Variants in ASF1B observed in about 807,000 individuals in gnomAD.
ASF1B encodes the protein anti-silencing function 1B histone chaperone.
In ASF1B, 10 loss-of-function variants were observed where a neutral mutation model predicts 16.6. The ratio of observed to expected loss-of-function variants is 0.60; its 90% CI spans 0.37 to 1.02. The LOEUF is 1.02. ASF1B is among the 50% of genes least tolerant of loss of function. The pLI is 0.01. For synonymous variants in ASF1B, 101 were observed against 106.2 expected, an observed-to-expected ratio of 0.95 and a Z score of 0.30; for missense variants, 240 against 266.0, an observed-to-expected ratio of 0.90 and a Z score of 0.68.
chr19:14,125,204 C>T (rs1203376626), intron 2 of ASF1B, among the ~76,000 whole-genome samples: 1 of 152,104 alleles, frequency 6.6e-6, no homozygotes, highest in African/African-American at 2.4e-5. Flanking sequence ...TGACCTCAGG[C>T]GATCCACCCA....
intron 2 of ASF1B, among the ~76,000 whole-genome samples, chr19:14,122,905 C>G (rs1967261821): frequency 6.6e-6 from 1 of 152,140 alleles, no homozygotes; most frequent in Non-Finnish European, 1.5e-5. Context: ...AAAGAAGCCT[C>G]TGGCAAAGTG....
intron 1 of ASF1B, among the ~76,000 whole-genome samples, chr19:14,126,583 TGTCTCA>T (rs1306716441): frequency 1.3e-5 from 2 of 152,216 alleles, no homozygotes; most frequent in African/African-American, 4.8e-5. Flanking sequence ...GCGATTCTCC[TGTCTCA>T]GCCTACTGAG....
Position 14,134,933 on chromosome 19 carries a change from A to G in ASF1B, c.109+1415T>C, listed in dbSNP as rs138149739. ...ATTATCCAGCTATATTAAAAAAAAAAAAGAAGAAGACGGGGCACGGTGGCT... is the reference window on the plus strand; with the variant it reads ...ATTATCCAGCTATATTAAAAAAAAAGAAGAAGAAGACGGGGCACGGTGGCT... On this transcript the variant is annotated intron_variant, in intron 1 of 3. Coordinates refer to ENST00000263382, the MANE Select transcript of ASF1B (RefSeq NM_018154.3). Among the ~76,000 whole-genome samples, 620 of 152,126 alleles carry G rather than the reference A, an allele frequency of 4.1e-3. 4 individuals carry two copies. Among genetic ancestry groups the G allele is most frequent in the African/African-American group, 0.014 (583 of 41,516 alleles).
At chr19:14,135,967 AG>A in intron 1 of ASF1B, among the ~76,000 whole-genome samples, 1 of 151,634 alleles carries the variant, frequency 6.6e-6, no homozygotes, top group African/African-American at 2.4e-5. Context: ...ACGGGTACCT[AG>A]GAAGAGCTCC....
intron 2 of ASF1B, among the ~76,000 whole-genome samples, chr19:14,122,306 A>T (rs1181431281): frequency 6.6e-6 from 1 of 151,486 alleles, no homozygotes; most frequent in Non-Finnish European, 1.5e-5. Flanking sequence ...ACTTCAGGTG[A>T]TCTGCCCACC....
chr19:14,125,533 A>AT (rs1398072375), intron 2 of ASF1B, among the ~76,000 whole-genome samples: 2 of 152,178 alleles, frequency 1.3e-5, no homozygotes, highest in Non-Finnish European at 2.9e-5. Flanking sequence ...TAGAACTAGG[A>AT]TTTGAACCTG....
chr19:14,128,406 T>C (rs941427942), intron 1 of ASF1B, among the ~76,000 whole-genome samples: 4 of 152,270 alleles, frequency 2.6e-5, no homozygotes, highest in African/African-American at 9.6e-5. Context: ...AGCAGGTCTG[T>C]AGGATACGGG....
In ASF1B at chr19:14,131,805, G is replaced by C. The variant is rs188735453; in HGVS notation, c.109+4543C>G. ...GGCCTCCTTTGTTTGTTTGCTTTTT[G>C]CCTTTGTTCATAATCAAAGATGAGC... On this transcript the variant is annotated intron_variant, in intron 1 of 3. Transcript: ENST00000263382. Among the ~76,000 whole-genome samples the C allele has an allele frequency of 5.3e-5, 8 of 152,042 alleles. No homozygotes were observed. The East Asian group carries it at 1.6e-3, about 29-fold the overall frequency.
At chr19:14,125,396 C>T (rs912465597) in intron 2 of ASF1B, among the ~76,000 whole-genome samples, 3 of 152,186 alleles carry the variant, frequency 2.0e-5, no homozygotes, top group Admixed American at 1.3e-4. Flanking sequence ...TCAGTGTTCG[C>T]GGCAACTTTA....
chr19:14,121,594 T>A lies in ASF1B; in HGVS notation c.340A>T (p.Asn114Tyr). 1.9e-6 allele frequency: 3 copies of A among 1,614,062 alleles called. No homozygotes were observed. The highest frequency in any genetic ancestry group is 2.5e-6 in the Non-Finnish European group (3 of 1,180,020). The change falls in exon 3 of 4, where the codon AAC (asparagine) becomes TAC (tyrosine). Residue 114 changes from asparagine (N) to tyrosine (Y), a missense_variant. Transcript: ENST00000263382. The stretch of plus-strand genomic sequence containing the variant: ...AGCTCAGGGTTGAGGTACTCGTTGT[T>A]GACGTAGTAGCCCACTCGGATGAAC... ...QEFIRVGYYVNNEYLNPELRE... is the reference protein window; with the variant it reads ...QEFIRVGYYVYNEYLNPELRE...
intron 1 of ASF1B, among the ~76,000 whole-genome samples, chr19:14,129,468 C>T (rs1599359041): frequency 1.3e-5 from 2 of 150,636 alleles, no homozygotes; most frequent in South Asian, 2.1e-4. Context: ...CCTGAGCTCA[C>T]GAGTTCGAGA....
At chr19:14,120,808 C>G in intron 3 of ASF1B, 143 bp from the exon 4 acceptor site, 1 of 653,150 alleles carries the variant, frequency 1.5e-6, no homozygotes, top group Non-Finnish European at 2.6e-6. Context: ...TGGCCAGGAC[C>G]TTATTTATTT....
intron 1 of ASF1B, among the ~76,000 whole-genome samples, chr19:14,132,524 C>T (rs1378442103): frequency 2.6e-5 from 4 of 152,146 alleles, no homozygotes; most frequent in Non-Finnish European, 5.9e-5. Flanking sequence ...GTACAATTAA[C>T]AATAGCATTC....
intron 1 of ASF1B, among the ~76,000 whole-genome samples, chr19:14,131,145 TG>T (rs1314738359): frequency 6.6e-6 from 1 of 151,734 alleles, no homozygotes; most frequent in Non-Finnish European, 1.5e-5. Context: ...CCCAAAATGC[TG>T]GGATTACAGG....
chr19:14,123,440 CG>C (rs1967271210), intron 2 of ASF1B, among the ~76,000 whole-genome samples: 1 of 134,744 alleles, frequency 7.4e-6, no homozygotes, highest in African/African-American at 2.9e-5. Context: ...AGTGCAGTGG[CG>C]TGATCTCGGC....
At chr19:14,135,817 G>C (rs957150292) in intron 1 of ASF1B, among the ~76,000 whole-genome samples, 4 of 149,096 alleles carry the variant, frequency 2.7e-5, no homozygotes, top group Non-Finnish European at 5.9e-5. Context: ...GGAGGTGTGA[G>C]TATCTCACTA....
chr19:14,121,769 CAA>C, intron 2 of ASF1B, 61 bp from the exon 3 acceptor site: 2 of 1,435,398 alleles, frequency 1.4e-6, no homozygotes, highest in South Asian at 2.6e-5. Flanking sequence ...GTCATTAGTA[CAA>C]AGATTCCCAA....
Position 14,136,466 on chromosome 19 carries a change from T to TCGCCG in ASF1B, c.-15_-11dup, listed in dbSNP as rs751612449. 93 of 1,610,874 alleles carry TCGCCG rather than the reference T, an allele frequency of 5.8e-5. No individual in the cohort carries two copies. The highest frequency in any genetic ancestry group is 7.6e-5 in the Non-Finnish European group (90 of 1,178,142). ...CCGACACCTTGGCCATCGCCTCGCC[T>TCGCCG]CGCCGCGCCGCAGCAGGGGCAGGGG... On this transcript the variant is annotated 5_prime_UTR_variant, in exon 1 of 4. Coordinates refer to ENST00000263382, the MANE Select transcript of ASF1B (RefSeq NM_018154.3).
intron 1 of ASF1B, among the ~76,000 whole-genome samples, chr19:14,133,938 G>C (rs915591702): frequency 9.9e-5 from 15 of 151,184 alleles, no homozygotes; most frequent in Non-Finnish European, 1.6e-4. Flanking sequence ...CGCGTAGCTG[G>C]GACTACAGGC....
Sources: gnomAD v4.1 joint callset for allele counts (sites outside exome capture counted in the v4.1 genomes callset) on GRCh38, gnomAD v4.1.1 for gene constraint, MANE v1.5 for transcripts, NCBI Gene and HGNC (gene_info 2026-07-23, HGNC 2026-07-21) for gene names.